TYW1: variants seen among roughly 807,000 people sequenced by gnomAD.
TYW1 encodes the protein S-adenosyl-L-methionine-dependent tRNA 4-demethylwyosine synthase TYW1.
Under a neutral mutation model 96.2 loss-of-function variants are expected in TYW1, and 46 were observed. That is an observed-to-expected ratio of 0.48 (90% confidence interval 0.38 to 0.61). TYW1 has a LOEUF of 0.61. Ranked by LOEUF, TYW1 falls within the 20% of genes least tolerant of loss-of-function variation. The pLI, the probability that TYW1 is intolerant of heterozygous loss-of-function variation, is 0.00. For synonymous variants in TYW1, 274 were observed against 323.0 expected (o/e 0.85, Z 1.63); for missense variants, 684 against 909.6 (o/e 0.75, Z 3.19).
intron 15 of TYW1, among the ~76,000 whole-genome samples, chr7:67,219,207 A>G (rs1801302877): frequency 6.6e-6 from 1 of 152,212 alleles, no homozygotes; most frequent in African/African-American, 2.4e-5. Flanking sequence ...GTGGTATATT[A>G]CATGGATCCA....
chr7:67,184,649 TTATG>T (rs1268587740), intron 14 of TYW1, among the ~76,000 whole-genome samples: 356 of 30,242 alleles, frequency 0.012, no homozygotes, highest in African/African-American at 0.034. Context: ...TTTATTTTAT[TTATG>T]TTATGTTATG....
intron 3 of TYW1, among the ~76,000 whole-genome samples, chr7:67,008,631 TC>T (rs1793683927): frequency 1.3e-5 from 2 of 152,326 alleles, no homozygotes; most frequent in East Asian, 3.9e-4. Context: ...TTTTCATGTT[TC>T]CCATTCTTTT....
rs192259276 is a variant in TYW1, at chr7:67,135,209, G to A, written c.1698+17591G>A. 3.5e-3 allele frequency among the ~76,000 whole-genome samples: 471 copies of A among 135,764 alleles called. 4 individuals carry two copies. Among genetic ancestry groups the A allele is most frequent in the African/African-American group, 0.013 (433 of 32,416 alleles). The allele number at this position is 135,764 out of a possible 152,430, so 89.1% of individuals were successfully genotyped here. ...TCACCCTTCTAAAGTATGATTTTTA[G>A]TATATTCACAAGCTTGTGAAATAAT... On this transcript the variant is annotated intron_variant, in intron 13 of 15. Transcript: ENST00000359626.
intron 7 of TYW1, among the ~76,000 whole-genome samples, chr7:67,026,285 C>T (rs1041729708): frequency 6.6e-5 from 10 of 152,088 alleles, no homozygotes; most frequent in Admixed American, 1.3e-4. Flanking sequence ...GTTGGCCAGG[C>T]TGGTCTCGAA....
intron 13 of TYW1, among the ~76,000 whole-genome samples, chr7:67,164,068 A>G (rs1447263976): frequency 1.3e-5 from 2 of 152,222 alleles, no homozygotes; most frequent in Non-Finnish European, 2.9e-5. Context: ...TATCAATACT[A>G]TTAAAAAGTG....
chr7:67,005,430 T>C (rs1420460277), intron 3 of TYW1, among the ~76,000 whole-genome samples: 1 of 152,166 alleles, frequency 6.6e-6, no homozygotes, highest in African/African-American at 2.4e-5. Flanking sequence ...ACTCTATCTC[T>C]ACAAAAAATT....
rs1001904799 is a variant in TYW1, at chr7:67,089,114, G to A, written c.1384+5575G>A. ...TTTTATTACTCTTTTTTAACAAATA[G>A]CCCCAGGGACAGGGGACCAGGGGAA... On this transcript the variant is annotated intron_variant, in intron 11 of 15. Transcript: ENST00000359626. The A allele has an allele frequency of 6.0e-5, 25 of 414,328 alleles. No homozygotes were observed. The East Asian group carries it at 7.1e-4, about 12-fold the overall frequency. 25.7% of individuals were successfully genotyped at this position (414,328 alleles called of 1,614,324 possible). A position where few individuals can be genotyped will look rare whatever the true frequency, so the allele number is the denominator to read the frequency against.
chr7:66,998,086 A>T lies in TYW1; in HGVS notation c.26A>T (p.Asp9Val), dbSNP rs1202838622. Reference sequence around the variant, plus strand: ...TTAGATCCTTCTGCGGATACATGGGACCTCTTCTCACCTTTAATATCATTA... The same window carrying T: ...TTAGATCCTTCTGCGGATACATGGGTCCTCTTCTCACCTTTAATATCATTA... Reference protein sequence around the residue: MDPSADTWDLFSPLISLWI... With the variant: MDPSADTWVLFSPLISLWI... The change falls in exon 2 of 16, where the codon GAC (aspartate) becomes GTC (valine). Residue 9 changes from aspartate (D) to valine (V), a missense_variant. Coordinates refer to ENST00000359626, the MANE Select transcript of TYW1 (RefSeq NM_018264.4). 2 of 1,604,244 alleles carry T rather than the reference A, an allele frequency of 1.2e-6. No homozygotes were observed. Among genetic ancestry groups the T allele is most frequent in the African/African-American group, 2.7e-5 (2 of 74,200 alleles).
intron 13 of TYW1, among the ~76,000 whole-genome samples, chr7:67,139,728 GGTGTGTGTGTGTGTGT>G (rs55993805): frequency 1.6e-4 from 22 of 138,522 alleles, no homozygotes; most frequent in East Asian, 2.1e-4. Context: ...TGTGTATACA[GGTGTGTGTGTGTGTGT>G]GTGTGTGTGT....
chr7:67,147,514 T>C (rs542759115), intron 13 of TYW1, among the ~76,000 whole-genome samples: 19 of 152,264 alleles, frequency 1.2e-4, no homozygotes, highest in East Asian at 9.6e-4. Flanking sequence ...TACAGATTAT[T>C]TCATCATCCA....
At chr7:67,182,405 A>T (rs1341701136) in intron 13 of TYW1, among the ~76,000 whole-genome samples, 1 of 152,128 alleles carries the variant, frequency 6.6e-6, no homozygotes, top group African/African-American at 2.4e-5. Context: ...CTCTAAAAAA[A>T]TTTTTAAACT....
chr7:67,006,163 A>T (rs1391726608), intron 3 of TYW1, among the ~76,000 whole-genome samples: 1 of 152,146 alleles, frequency 6.6e-6, no homozygotes, highest in Non-Finnish European at 1.5e-5. Context: ...CAGATTTTGC[A>T]TGAGAGGTTT....
At chr7:67,193,340 T>G (rs1425583845) in intron 14 of TYW1, among the ~76,000 whole-genome samples, 3 of 152,230 alleles carry the variant, frequency 2.0e-5, no homozygotes, top group Admixed American at 1.3e-4. Context: ...CACAGTTTAG[T>G]GCACCAGTCA....
At position 66,998,873 on chromosome 7, in the gene TYW1, T is replaced by C; in HGVS notation, c.192T>C (p.Asn64=). ...AAGCAGCTCAGGATTTGATGACAAA[T>C]GGTTATGTCTCCCTTCAAGAGAAAG... is the stretch of plus-strand genomic sequence containing the variant. ...VPKAAQDLMT[N]GYVSLQEKDI... is the part of the protein sequence containing the mutation. Residue 64 remains asparagine, a synonymous_variant, in exon 3 of 16, where the codon AAT becomes AAC. Transcript: ENST00000359626. The C allele has an allele frequency of 6.2e-7, 1 of 1,614,162 alleles. No homozygotes were observed. The highest frequency in any genetic ancestry group is 8.5e-7 in the Non-Finnish European group (1 of 1,180,024).
At chr7:67,195,426 A>G (rs577341373) in intron 15 of TYW1, 89 bp downstream of exon 15, 1 of 1,586,876 alleles carries the variant, frequency 6.3e-7, no homozygotes, top group South Asian at 1.1e-5. Flanking sequence ...TTACATTGTT[A>G]TAGGGATTAT....
chr7:67,176,756 C>T (rs965366452), intron 13 of TYW1, among the ~76,000 whole-genome samples: 8 of 152,178 alleles, frequency 5.3e-5, no homozygotes, highest in Middle Eastern at 3.4e-3. Flanking sequence ...TTCAGAAGGA[C>T]GACATAAGAG....
intron 7 of TYW1, among the ~76,000 whole-genome samples, chr7:67,049,087 G>A (rs780068584): frequency 5.9e-5 from 9 of 152,198 alleles, no homozygotes; most frequent in Non-Finnish European, 1.2e-4. Context: ...TCTCTGAGCC[G>A]ATGGCTCTCA....
intron 4 of TYW1, among the ~76,000 whole-genome samples, chr7:67,013,693 CT>C (rs1793898097): frequency 6.8e-6 from 1 of 147,048 alleles, no homozygotes; most frequent in African/African-American, 2.5e-5. Context: ...CCAGTGTGTT[CT>C]TCCATTAGTA....
At chr7:67,195,994 G>T (rs1800381260) in intron 15 of TYW1, among the ~76,000 whole-genome samples, 1 of 151,830 alleles carries the variant, frequency 6.6e-6, no homozygotes, top group African/African-American at 2.4e-5. Context: ...CTCATTATAT[G>T]TTCTCCTCTA....
Sources: gnomAD v4.1 joint callset for allele counts (sites outside exome capture counted in the v4.1 genomes callset) on GRCh38, gnomAD v4.1.1 for gene constraint, MANE v1.5 for transcripts, NCBI Gene and HGNC (gene_info 2026-07-23, HGNC 2026-07-21) for gene names.